NID2: variants seen among roughly 807,000 people sequenced by gnomAD.
The protein encoded by NID2 is nidogen-2.
NID2 carries 83 observed loss-of-function variants against 145.4 expected under a neutral mutation model. The observed-to-expected ratio is 0.57, with a 90% CI of 0.48 to 0.69. The LOEUF (loss-of-function observed/expected upper bound fraction) is 0.69, where lower values mean the gene tolerates loss of function less well. Among genes scored for constraint, NID2 ranks in the 30% least tolerant of loss-of-function variants. NID2 has a pLI of 0.00. For missense variants in NID2, 1,807 were observed against 1,765.7 expected, an observed-to-expected ratio of 1.02 and a Z score of -0.42; for synonymous variants, 739 against 701.3, an observed-to-expected ratio of 1.05 and a Z score of -0.85.
At chr14:52,005,692 T>G (rs773121913) in intron 21 of NID2, 45 bp downstream of exon 21, 7 of 1,500,404 alleles carry the variant, frequency 4.7e-6, no homozygotes, top group Non-Finnish European at 6.5e-6. Flanking sequence ...ATATCCCTTC[T>G]CTACCCTGCT....
chr14:52,042,072 C>T (rs769589777), intron 7 of NID2, 33 bp downstream of exon 7: 3 of 1,545,060 alleles, frequency 1.9e-6, no homozygotes, highest in Non-Finnish European at 2.6e-6. Context: ...CAAAGCAATG[C>T]TGACTACCGG....
At chr14:52,065,342 CT>C (rs1364401875) in intron 2 of NID2, among the ~76,000 whole-genome samples, 2 of 152,016 alleles carry the variant, frequency 1.3e-5, no homozygotes, top group African/African-American at 4.8e-5. Flanking sequence ...CAAAGTCTAT[CT>C]CCAAAGAACT....
intron 14 of NID2, 105 bp from the exon 15 acceptor site, chr14:52,015,380 TCTC>T: frequency 9.3e-7 from 1 of 1,080,032 alleles, no homozygotes; most frequent in South Asian, 1.6e-5. Flanking sequence ...TGGCCTTCCT[TCTC>T]CTACTGTCCA....
chr14:52,050,528 T>C (rs983326745), intron 5 of NID2, among the ~76,000 whole-genome samples: 1 of 152,236 alleles, frequency 6.6e-6, no homozygotes, highest in Non-Finnish European at 1.5e-5. Flanking sequence ...TTGCAGTCTT[T>C]GCCCTTGCTA....
rs778868548 is a variant in NID2, at chr14:52,011,596, C to T, written c.3508G>A (p.Gly1170Ser). The T allele has an allele frequency of 2.4e-5, 38 of 1,614,070 alleles. No individual in the cohort carries two copies. Among genetic ancestry groups the T allele is most frequent in the African/African-American group, 5.3e-5 (4 of 74,924 alleles). ...DVAGRTISRA[G>S]LELGAEPETI... is the part of the protein sequence containing the mutation. Reference sequence around the variant, plus strand: ...TCAGGCTCTGCTCCCAGTTCCAGACCAGCACGGCTGATTGTCCGTCCAGCA... The same window carrying T: ...TCAGGCTCTGCTCCCAGTTCCAGACTAGCACGGCTGATTGTCCGTCCAGCA... Residue 1170 changes from glycine (G) to serine (S), a missense_variant, in exon 17 of 22, where the codon GGT becomes AGT. Physicochemically the swap from Gly to Ser is moderately conservative, Grantham distance 56. Coordinates refer to ENST00000216286, the MANE Select transcript of NID2 (RefSeq NM_007361.4).
At chr14:52,017,833 C>A (rs1353930247) in intron 14 of NID2, among the ~76,000 whole-genome samples, 1 of 151,256 alleles carries the variant, frequency 6.6e-6, no homozygotes, top group Admixed American at 6.6e-5. Flanking sequence ...TTTAAAAAAA[C>A]AAAAAAAACA....
Position 52,007,819 on chromosome 14 carries a change from C to T in NID2, c.3871G>A (p.Ala1291Thr). 6.2e-7 allele frequency: 1 copy of T among 1,613,660 alleles called. No homozygotes were observed. The highest frequency in any genetic ancestry group is 8.5e-7 in the Non-Finnish European group (1 of 1,179,768). Residue 1291 changes from alanine (A) to threonine (T), a missense_variant, in exon 19 of 22, where the codon GCA (alanine) becomes ACA (threonine). Coordinates refer to ENST00000216286, the MANE Select transcript of NID2 (RefSeq NM_007361.4). ...CCATCAGTAGTATTACCTGCATCTG[C>T]CCAGCAGAGCAGTTTAGAGAAAGGG... ...FDPFSKLLCW[A>T]DAGTKKLECT... is the part of the protein sequence containing the mutation.
At position 52,007,797 on chromosome 14, in the gene NID2, TCAG is replaced by T. The variant is rs777727459; in HGVS notation, c.3880+10_3880+12del. ...TGAGAGGTTATCTATTTGCATTCCATCAGTAGTATTACCTGCATCTGCCCAGCA... is the reference window on the plus strand; with the variant it reads ...TGAGAGGTTATCTATTTGCATTCCATTAGTATTACCTGCATCTGCCCAGCA... On this transcript the variant is annotated intron_variant, in intron 19 of 21. Transcript: ENST00000216286. 6.2e-7 allele frequency: 1 copy of T among 1,609,424 alleles called. No individual in the cohort carries two copies. The highest frequency in any genetic ancestry group is 8.5e-7 in the Non-Finnish European group (1 of 1,177,196).
At chr14:52,057,720 A>G (rs67917217) in intron 3 of NID2, among the ~76,000 whole-genome samples, 15 of 148,222 alleles carry the variant, frequency 1.0e-4, no homozygotes, top group African/African-American at 3.2e-4. Context: ...AAAAAAAAAA[A>G]AAAAAAAGAA....
At chr14:52,006,459 T>TG (rs1474875656) in intron 20 of NID2, 78 bp downstream of exon 20, 53 of 1,564,122 alleles carry the variant, frequency 3.4e-5, no homozygotes, top group Non-Finnish European at 4.6e-5. Flanking sequence ...AGTCAGGTAC[T>TG]GACTTTTGGT....
In NID2 at chr14:52,035,878, A is replaced by ATATTTATATT. The variant is rs58318209; in HGVS notation, c.2257+2868_2257+2869insAATATAAATA. Among the ~76,000 whole-genome samples the ATATTTATATT allele has an allele frequency of 2.1e-3, 290 of 135,188 alleles. 4 individuals are homozygous for ATATTTATATT. The highest frequency in any genetic ancestry group is 8.0e-3 in the African/African-American group (282 of 35,434). 88.7% of individuals were successfully genotyped at this position (135,188 alleles called of 152,430 possible). On this transcript the variant is annotated intron_variant, in intron 9 of 21. Coordinates refer to ENST00000216286, the MANE Select transcript of NID2 (RefSeq NM_007361.4). ...TGTGTATATATATATATATATATAT[A>ATATTTATATT]TGTTTTATTTTGTAGAGACAGGGTT...
At chr14:52,045,856 C>T (rs540572848) in intron 5 of NID2, among the ~76,000 whole-genome samples, 2 of 151,398 alleles carry the variant, frequency 1.3e-5, no homozygotes, top group South Asian at 4.2e-4. Flanking sequence ...CTCTAGGACT[C>T]AACCTCAGCC....
intron 12 of NID2, among the ~76,000 whole-genome samples, chr14:52,023,535 G>A (rs1891475275): frequency 6.6e-6 from 1 of 152,210 alleles, no homozygotes; most frequent in South Asian, 2.1e-4. Flanking sequence ...AATAATGTCA[G>A]TATCTTCCCT....
At chr14:52,015,898 A>C (rs531663555) in intron 14 of NID2, among the ~76,000 whole-genome samples, 1 of 152,358 alleles carries the variant, frequency 6.6e-6, no homozygotes, top group South Asian at 2.1e-4. Context: ...AATTAGTAGT[A>C]AAGCATAGCA....
chr14:52,007,846 C>T lies in NID2; in HGVS notation c.3844G>A (p.Asp1282Asn). Residue 1282 changes from aspartate to asparagine, a missense_variant, in exon 19 of 22, where the codon GAC becomes AAC. Transcript: ENST00000216286. ...CAGCAGAGCAGTTTAGAGAAAGGGT[C>T]AAAGGTTAAGCCATTGGGCAATCCA... The part of the protein sequence containing the change: ...DIGLPNGLTF[D>N]PFSKLLCWAD... 1 of 1,613,904 alleles carries T rather than the reference C, an allele frequency of 6.2e-7. No individual in the cohort carries two copies. Among genetic ancestry groups the T allele is most frequent in the Non-Finnish European group, 8.5e-7 (1 of 1,179,934 alleles).
At chr14:52,006,179 C>G (rs1890774027) in intron 20 of NID2, 1 of 399,220 alleles carries the variant, frequency 2.5e-6, no homozygotes, top group Admixed American at 3.7e-5. Context: ...TCCACAGTGT[C>G]AAAAGCCAAC....
chr14:52,019,218 C>G lies in NID2; in HGVS notation c.2871G>C (p.Arg957=). The change falls in exon 14 of 22, where the codon CGG becomes CGC. Residue 957 remains arginine (R), a synonymous_variant. Transcript: ENST00000216286. ...AQAQYAYPGA[R]FHIPQCDEQG... is the part of the protein sequence containing the mutation. ...GCTCGTCGCATTGGGGGATGTGGAACCGGGCCCCAGGGTAGGCATACTGGG... is the reference window on the plus strand; with the variant it reads ...GCTCGTCGCATTGGGGGATGTGGAAGCGGGCCCCAGGGTAGGCATACTGGG... The G allele has an allele frequency of 6.2e-7, 1 of 1,613,362 alleles. No homozygotes were observed. The highest frequency in any genetic ancestry group is 8.5e-7 in the Non-Finnish European group (1 of 1,179,384).
In NID2 at chr14:52,014,441, G is replaced by A; in HGVS notation, c.3266C>T (p.Ala1089Val). ...GTTPACIPTV[A>V]PPMVRPTPRP... Reference sequence around the variant, plus strand: ...GGGCGTGGGCCGGACCATGGGTGGAGCGACGGTGGGTATACCTGTGGGAGA... The same window carrying A: ...GGGCGTGGGCCGGACCATGGGTGGAACGACGGTGGGTATACCTGTGGGAGA... Residue 1089 changes from alanine to valine, a missense_variant, in exon 16 of 22, where the codon GCT (alanine) becomes GTT (valine). Physicochemically the swap from Ala to Val is moderately conservative, Grantham distance 64. Coordinates refer to ENST00000216286, the MANE Select transcript of NID2 (RefSeq NM_007361.4). The A allele has an allele frequency of 6.2e-7, 1 of 1,611,270 alleles. No homozygotes were observed. Among genetic ancestry groups the A allele is most frequent in the Non-Finnish European group, 8.5e-7 (1 of 1,178,490 alleles).
At chr14:52,029,891 C>A (rs35522012) in intron 9 of NID2, among the ~76,000 whole-genome samples, 9,019 of 152,226 alleles carry the variant, frequency 0.059, 344 homozygotes, top group Middle Eastern at 0.13. Context: ...TATTGCCTAC[C>A]CTATAGACAA....
Sources: gnomAD v4.1 joint callset for allele counts (sites outside exome capture counted in the v4.1 genomes callset) on GRCh38, gnomAD v4.1.1 for gene constraint, MANE v1.5 for transcripts, NCBI Gene and HGNC (gene_info 2026-07-23, HGNC 2026-07-21) for gene names.